SCNN1B: variants seen among roughly 807,000 people sequenced by gnomAD.
SCNN1B encodes the protein epithelial sodium channel subunit beta.
SCNN1B carries 46 observed loss-of-function variants against 65.3 expected under a neutral mutation model. The observed-to-expected ratio is 0.70, with a 90% CI of 0.56 to 0.90. The LOEUF (loss-of-function observed/expected upper bound fraction) is 0.90, where lower values mean the gene tolerates loss of function less well. Ranked by LOEUF, SCNN1B falls within the 40% of genes least tolerant of loss-of-function variation. The probability of loss-of-function intolerance (pLI) is 0.00; values close to 1 mark genes in which losing one functional copy is unlikely to be tolerated. For synonymous variants in SCNN1B, 349 were observed against 330.6 expected (o/e 1.06, Z -0.60); for missense variants, 751 against 830.5 (o/e 0.90, Z 1.18).
chr16:23,343,509 A>C, intron 1 of SCNN1B, among the ~76,000 whole-genome samples: 1 of 76,538 alleles, frequency 1.3e-5, no homozygotes, highest in Admixed American at 1.2e-4. Context: ...GAAGGAAGGA[A>C]AAGGAAGGAA....
In SCNN1B at chr16:23,367,670, C is replaced by T. The variant is rs370141663; in HGVS notation, c.777-186C>T. Reference sequence around the variant, plus strand: ...CCAACTCCAGAGAAACTCTCTTCCCCTGCTTTCCCAAGGGAGCCTGGGAAT... The same window carrying T: ...CCAACTCCAGAGAAACTCTCTTCCCTTGCTTTCCCAAGGGAGCCTGGGAAT... On this transcript the variant is annotated intron_variant, in intron 4 of 12. Coordinates refer to ENST00000343070, the MANE Select transcript of SCNN1B (RefSeq NM_000336.3). Among the ~76,000 whole-genome samples, 13 of 152,376 alleles carry T rather than the reference C, an allele frequency of 8.5e-5. No individual in the cohort carries two copies. The East Asian group carries it at 2.3e-3, about 27-fold the overall frequency.
At chr16:23,374,702 G>A (rs1025642763) in intron 7 of SCNN1B, among the ~76,000 whole-genome samples, 1 of 151,714 alleles carries the variant, frequency 6.6e-6, no homozygotes, top group Non-Finnish European at 1.5e-5. Context: ...CCACAGACTC[G>A]TTAGGGGTAA....
intron 2 of SCNN1B, among the ~76,000 whole-genome samples, chr16:23,296,973 A>G (rs1287048555): frequency 6.7e-6 from 1 of 149,274 alleles, no homozygotes; most frequent in Non-Finnish European, 1.5e-5. Flanking sequence ...GCCACAGAGC[A>G]AGACTCCATC....
chr16:23,378,003 T>G (rs370242506), intron 10 of SCNN1B, among the ~76,000 whole-genome samples: 4 of 152,222 alleles, frequency 2.6e-5, no homozygotes, highest in East Asian at 3.9e-4. Flanking sequence ...TATTTTTGTA[T>G]TTTTACTTTA....
chr16:23,323,653 C>T, intron 1 of SCNN1B: 1 of 700,680 alleles, frequency 1.4e-6, no homozygotes, highest in Non-Finnish European at 2.6e-6. Flanking sequence ...TTAACCACTA[C>T]CCCATTGTAA....
chr16:23,304,739 G>A (rs755265508), intron 1 of SCNN1B, among the ~76,000 whole-genome samples: 1 of 152,126 alleles, frequency 6.6e-6, no homozygotes, highest in Non-Finnish European at 1.5e-5. Flanking sequence ...CCATGATCTG[G>A]GTTGATGAAA....
chr16:23,343,274 T>G (rs1474530828), intron 1 of SCNN1B, among the ~76,000 whole-genome samples: 21 of 141,492 alleles, frequency 1.5e-4, no homozygotes, highest in South Asian at 5.2e-4. Flanking sequence ...CCAACATGGA[T>G]AAACCCCGTC....
chr16:23,367,802 G>A, intron 4 of SCNN1B, 54 bp from the exon 5 acceptor site: 1 of 1,341,552 alleles, frequency 7.5e-7, no homozygotes, highest in Non-Finnish European at 1.1e-6. Flanking sequence ...AGACAGTCGG[G>A]GGAGGCATTG....
chr16:23,368,990 A>G (rs1261601085), intron 5 of SCNN1B, among the ~76,000 whole-genome samples: 1 of 152,252 alleles, frequency 6.6e-6, no homozygotes, highest in Non-Finnish European at 1.5e-5. Context: ...AGACTTCACC[A>G]CTGTATAATA....
At chr16:23,310,801 A>T (rs972101168) in intron 1 of SCNN1B, among the ~76,000 whole-genome samples, 1 of 152,276 alleles carries the variant, frequency 6.6e-6, no homozygotes, top group African/African-American at 2.4e-5. Context: ...CACAGATGAA[A>T]AGATTCTCAA....
At chr16:23,370,017 G>T (rs530010421) in intron 5 of SCNN1B, among the ~76,000 whole-genome samples, 1 of 152,268 alleles carries the variant, frequency 6.6e-6, no homozygotes, top group South Asian at 2.1e-4. Flanking sequence ...TGCAACCTCC[G>T]CCTCCTGGGT....
At chr16:23,347,792 C>T (rs1186029599) in intron 1 of SCNN1B, among the ~76,000 whole-genome samples, 1 of 152,166 alleles carries the variant, frequency 6.6e-6, no homozygotes, top group Non-Finnish European at 1.5e-5. Context: ...GCCTATAATC[C>T]CAGCTACTTA....
At chr16:23,372,008 C>T (rs374170742) in intron 7 of SCNN1B, 125 bp downstream of exon 7, 35 of 745,298 alleles carry the variant, frequency 4.7e-5, no homozygotes, top group African/African-American at 3.4e-4. Flanking sequence ...TAGGTTGCCA[C>T]GGGGCACCCC....
intron 8 of SCNN1B, 50 bp downstream of exon 8, chr16:23,375,905 G>T (rs772138946): frequency 1.6e-6 from 2 of 1,266,152 alleles, no homozygotes; most frequent in African/African-American, 1.5e-5. Context: ...GGGCCACAGA[G>T]GCTCTGACCA....
intron 2 of SCNN1B, among the ~76,000 whole-genome samples, chr16:23,350,889 G>T (rs996018003): frequency 5.9e-5 from 9 of 151,852 alleles, no homozygotes; most frequent in Non-Finnish European, 1.0e-4. Context: ...CTCCAGCCTG[G>T]GTGACAGAGC....
chr16:23,346,122 A>G (rs1376918227), intron 1 of SCNN1B, among the ~76,000 whole-genome samples: 1 of 148,726 alleles, frequency 6.7e-6, no homozygotes. Flanking sequence ...TCCATGACCC[A>G]TACTCTCCAA....
Position 23,372,195 on chromosome 16 carries a change from T to C in SCNN1B, c.1152+312T>C, listed in dbSNP as rs41278186. 5.1e-3 allele frequency: 2,316 copies of C among 450,412 alleles called. 12 individuals are homozygous for C. Among genetic ancestry groups the C allele is most frequent in the Non-Finnish European group, 7.6e-3 (1,851 of 242,226 alleles). 27.9% of individuals were successfully genotyped at this position (450,412 alleles called of 1,614,324 possible). ...AGCAGCTAACACCATCAAGCTTCCA[T>C]TGTGTGTGAAATGCTGTGCGAAGGG... On this transcript the variant is annotated intron_variant, in intron 7 of 12. Transcript: ENST00000343070.
At position 23,374,712 on chromosome 16, in the gene SCNN1B, A is replaced by G. The variant is rs1962856740; in HGVS notation, c.1153-1026A>G. On this transcript the variant is annotated intron_variant, in intron 7 of 12. Transcript: ENST00000343070. ...GAGAGCCACAGACTCGTTAGGGGTAATAGAAAGGCAGGACATAGGGACCTG... is the reference window on the plus strand; with the variant it reads ...GAGAGCCACAGACTCGTTAGGGGTAGTAGAAAGGCAGGACATAGGGACCTG... Among the ~76,000 whole-genome samples the G allele has an allele frequency of 2.0e-5, 3 of 152,012 alleles. No individual in the cohort carries two copies. The South Asian group carries it at 6.2e-4, about 32-fold the overall frequency.
Position 23,371,796 on chromosome 16 carries a change from G to A in SCNN1B, c.1065G>A (p.Gly355=), listed in dbSNP as rs1567316405. The part of the protein sequence containing the change: ...GVLVDKLQRM[G]EPYSPCTVNG... ...CACAGGACAAGCTTCAGCGCATGGGGGAGCCCTACAGCCCGTGCACCGTGA... is the reference window on the plus strand; with the variant it reads ...CACAGGACAAGCTTCAGCGCATGGGAGAGCCCTACAGCCCGTGCACCGTGA... Residue 355 remains glycine (G), a synonymous_variant, in exon 7 of 13, where the codon GGG becomes GGA. Transcript: ENST00000343070. 2 of 1,614,148 alleles carry A rather than the reference G, an allele frequency of 1.2e-6. No individual in the cohort carries two copies. The highest frequency in any genetic ancestry group is 1.6e-4 in the Middle Eastern group (1 of 6,062).
Sources: gnomAD v4.1 joint callset for allele counts (sites outside exome capture counted in the v4.1 genomes callset) on GRCh38, gnomAD v4.1.1 for gene constraint, MANE v1.5 for transcripts, NCBI Gene and HGNC (gene_info 2026-07-23, HGNC 2026-07-21) for gene names.